The following MACROD2 variants were observed in gnomAD, a reference collection of about 807,000 sequenced individuals.
The protein encoded by MACROD2 is mono-ADP ribosylhydrolase 2.
In MACROD2, 36 loss-of-function variants were observed where a neutral mutation model predicts 70.4. The ratio of observed to expected loss-of-function variants is 0.51; its 90% confidence interval spans 0.39 to 0.68. The LOEUF (loss-of-function observed/expected upper bound fraction) is 0.68. MACROD2 is among the 30% of genes least tolerant of loss of function. The pLI is 0.00. For missense variants in MACROD2, 496 were observed against 538.4 expected (o/e 0.92, Z 0.78); for synonymous variants, 172 against 178.8 (o/e 0.96, Z 0.30).
intron 6 of MACROD2, among the ~76,000 whole-genome samples, chr20:15,297,527 G>A (rs117034489): frequency 2.8e-4 from 43 of 152,308 alleles, no homozygotes; most frequent in Non-Finnish European, 5.4e-4. Context: ...GAGGGCAGGG[G>A]AGGTGTTTAC....
intron 10 of MACROD2, among the ~76,000 whole-genome samples, chr20:15,924,005 T>C (rs1601142534): frequency 6.6e-6 from 1 of 152,230 alleles, no homozygotes; most frequent in Admixed American, 6.5e-5. Flanking sequence ...GGGGTGGTTG[T>C]TGAGTTTTAT....
At chr20:14,581,941 C>T (rs1335417247) in intron 4 of MACROD2, among the ~76,000 whole-genome samples, 2 of 152,190 alleles carry the variant, frequency 1.3e-5, no homozygotes, top group Non-Finnish European at 2.9e-5. Context: ...CTCAGGCAGA[C>T]AGTTCTGAAG....
intron 5 of MACROD2, among the ~76,000 whole-genome samples, chr20:15,035,331 G>C (rs2075304520): frequency 6.6e-6 from 1 of 152,100 alleles, no homozygotes; most frequent in South Asian, 2.1e-4. Context: ...TTTTGCCTGG[G>C]AGGTCAAGGT....
At chr20:14,639,088 A>G (rs1413168516) in intron 4 of MACROD2, among the ~76,000 whole-genome samples, 1 of 152,168 alleles carries the variant, frequency 6.6e-6, no homozygotes, top group South Asian at 2.1e-4. Flanking sequence ...TGGTACTGGG[A>G]AACTGGATAT....
intron 4 of MACROD2, among the ~76,000 whole-genome samples, chr20:14,500,763 T>A (rs1041791822): frequency 6.6e-6 from 1 of 152,248 alleles, no homozygotes; most frequent in African/African-American, 2.4e-5. Flanking sequence ...TGAACCTCCC[T>A]GTTGAAAGGG....
chr20:14,080,251 G>A (rs1045105523), intron 2 of MACROD2, among the ~76,000 whole-genome samples: 1 of 151,806 alleles, frequency 6.6e-6, no homozygotes, highest in Non-Finnish European at 1.5e-5. Flanking sequence ...AGACCATCCT[G>A]GCTAATATGG....
At chr20:14,304,648 G>A (rs2082504373) in intron 3 of MACROD2, among the ~76,000 whole-genome samples, 1 of 152,038 alleles carries the variant, frequency 6.6e-6, no homozygotes, top group Non-Finnish European at 1.5e-5. Flanking sequence ...GCCTTTTTAA[G>A]TACTCTTATC....
intron 4 of MACROD2, among the ~76,000 whole-genome samples, chr20:14,498,029 T>A (rs554870574): frequency 3.3e-5 from 5 of 151,856 alleles, no homozygotes; most frequent in African/African-American, 1.2e-4. Flanking sequence ...GTTCAGTGCC[T>A]TGTGTTAGTA....
At chr20:14,193,982 C>A (rs1260182870) in intron 3 of MACROD2, among the ~76,000 whole-genome samples, 1 of 152,028 alleles carries the variant, frequency 6.6e-6, no homozygotes, top group Non-Finnish European at 1.5e-5. Context: ...GAAGAAGGTC[C>A]AATTGAAGGA....
intron 8 of MACROD2, among the ~76,000 whole-genome samples, chr20:15,696,178 T>C (rs1382276429): frequency 6.6e-6 from 1 of 152,202 alleles, no homozygotes; most frequent in Non-Finnish European, 1.5e-5. Context: ...TGGTTGTGGG[T>C]TTGTCATAGA....
intron 8 of MACROD2, among the ~76,000 whole-genome samples, chr20:15,744,105 A>G (rs1248990780): frequency 1.3e-5 from 2 of 148,520 alleles, no homozygotes; most frequent in African/African-American, 2.4e-5. Flanking sequence ...GTTTAGTTGT[A>G]TCTCTTTTTT....
At chr20:14,828,873 G>T (rs1180341610) in intron 5 of MACROD2, among the ~76,000 whole-genome samples, 1 of 151,768 alleles carries the variant, frequency 6.6e-6, no homozygotes, top group African/African-American at 2.4e-5. Context: ...CAAAAAAATG[G>T]ACAAGTTCTC....
chr20:14,248,578 G>C (rs543569631), intron 3 of MACROD2, among the ~76,000 whole-genome samples: 25 of 152,034 alleles, frequency 1.6e-4, no homozygotes, highest in African/African-American at 5.5e-4. Flanking sequence ...GCGAGACTCT[G>C]TCTCAAAATA....
At chr20:15,378,647 GTTC>G (rs1431966228) in intron 6 of MACROD2, among the ~76,000 whole-genome samples, 1 of 152,092 alleles carries the variant, frequency 6.6e-6, no homozygotes, top group Non-Finnish European at 1.5e-5. Flanking sequence ...CACAAGGAAA[GTTC>G]TTCTAAGTCA....
At chr20:15,980,355 C>G (rs2066379781) in intron 13 of MACROD2, among the ~76,000 whole-genome samples, 1 of 152,142 alleles carries the variant, frequency 6.6e-6, no homozygotes, top group Non-Finnish European at 1.5e-5. Context: ...CTCATTTCCC[C>G]CTTTTGAGAC....
At chr20:14,868,512 A>T (rs1379867907) in intron 5 of MACROD2, among the ~76,000 whole-genome samples, 1 of 152,036 alleles carries the variant, frequency 6.6e-6, no homozygotes, top group African/African-American at 2.4e-5. Flanking sequence ...ATTGGCCACT[A>T]CAATAAGAAA....
At chr20:14,063,724 T>C (rs2053718992) in intron 2 of MACROD2, among the ~76,000 whole-genome samples, 1 of 152,146 alleles carries the variant, frequency 6.6e-6, no homozygotes, top group Non-Finnish European at 1.5e-5. Context: ...TCCGAAACAT[T>C]TCTGGTCCCA....
intron 3 of MACROD2, among the ~76,000 whole-genome samples, chr20:14,477,730 T>G (rs1211299819): frequency 6.6e-6 from 1 of 152,206 alleles, no homozygotes; most frequent in Non-Finnish European, 1.5e-5. Context: ...ATTTTACTCA[T>G]TGGAGGTTTG....
At chr20:14,347,288 A>G (rs1260540373) in intron 3 of MACROD2, among the ~76,000 whole-genome samples, 1 of 152,218 alleles carries the variant, frequency 6.6e-6, no homozygotes, top group African/African-American at 2.4e-5. Context: ...CTCTAGGAAC[A>G]TTCATAATGC....
Sources: allele counts gnomAD v4.1 joint callset (sites outside exome capture counted in the v4.1 genomes callset), GRCh38; gene constraint gnomAD v4.1.1; transcripts MANE v1.5; gene names NCBI Gene and HGNC (gene_info 2026-07-23, HGNC 2026-07-21).